The following GAB1 variants were observed in gnomAD, a reference collection of about 807,000 sequenced individuals.
GAB1 encodes GRB2-associated-binding protein 1.
In GAB1, 19 loss-of-function variants were observed where a neutral mutation model predicts 66.5. The ratio of observed to expected loss-of-function variants is 0.29; its 90% CI spans 0.20 to 0.42. The LOEUF (loss-of-function observed/expected upper bound fraction) is 0.42. GAB1 is among the 10% of genes least tolerant of loss of function. GAB1 has a pLI of 1.00. For missense variants in GAB1, 732 were observed against 858.5 expected (o/e 0.85, Z 1.84); for synonymous variants, 294 against 301.4 (o/e 0.98, Z 0.25).
At chr4:143,442,536 G>A (rs1293544620) in intron 6 of GAB1, among the ~76,000 whole-genome samples, 1 of 152,054 alleles carries the variant, frequency 6.6e-6, no homozygotes, top group Non-Finnish European at 1.5e-5. Context: ...ATCAATTAAT[G>A]ATTAGCTTTT....
At chr4:143,432,134 A>G (rs1733690093) in intron 2 of GAB1, among the ~76,000 whole-genome samples, 1 of 152,144 alleles carries the variant, frequency 6.6e-6, no homozygotes, top group Non-Finnish European at 1.5e-5. Context: ...TGGCCAGCCC[A>G]CTGCGCAGGG....
intron 1 of GAB1, among the ~76,000 whole-genome samples, chr4:143,369,992 T>C (rs1258177624): frequency 6.6e-6 from 1 of 152,254 alleles, no homozygotes; most frequent in Non-Finnish European, 1.5e-5. Flanking sequence ...CAAAACCTAG[T>C]GTGCTCCCTC....
At chr4:143,410,654 A>G (rs940680458) in intron 1 of GAB1, among the ~76,000 whole-genome samples, 3 of 152,228 alleles carry the variant, frequency 2.0e-5, no homozygotes, top group Admixed American at 6.5e-5. Flanking sequence ...GTTTAAAAAC[A>G]TCTCTCTTAT....
chr4:143,341,627 G>C (rs1728825913), intron 1 of GAB1, among the ~76,000 whole-genome samples: 1 of 152,228 alleles, frequency 6.6e-6, no homozygotes, highest in Non-Finnish European at 1.5e-5. Context: ...TCTGTACCCA[G>C]CGTGGGCTCT....
intron 6 of GAB1, among the ~76,000 whole-genome samples, chr4:143,450,888 C>G (rs1477516795): frequency 4.9e-5 from 6 of 121,950 alleles, no homozygotes; most frequent in Non-Finnish European, 8.2e-5. Context: ...AAGACTGCAT[C>G]TCAAAAAAAA....
At chr4:143,386,294 G>A (rs543925372) in intron 1 of GAB1, among the ~76,000 whole-genome samples, 38 of 152,284 alleles carry the variant, frequency 2.5e-4, no homozygotes, top group African/African-American at 5.8e-4. Context: ...TTGTGAATAC[G>A]TAATGAGATA....
At chr4:143,395,500 A>T (rs1215508949) in intron 1 of GAB1, 6 of 182,158 alleles carry the variant, frequency 3.3e-5, no homozygotes, top group Non-Finnish European at 5.8e-5. Context: ...AACACAGTTG[A>T]GTACATTAAA....
intron 1 of GAB1, among the ~76,000 whole-genome samples, chr4:143,342,705 C>CT (rs1475486604): frequency 1.3e-5 from 2 of 151,610 alleles, no homozygotes; most frequent in Non-Finnish European, 2.9e-5. Context: ...TTACAGGCTC[C>CT]TGCCACCACG....
At chr4:143,453,581 C>A (rs1735031537) in intron 6 of GAB1, among the ~76,000 whole-genome samples, 1 of 152,100 alleles carries the variant, frequency 6.6e-6, no homozygotes, top group Non-Finnish European at 1.5e-5. Context: ...CGAAGGTAAA[C>A]CCTTCAGAGA....
At chr4:143,364,079 T>G (rs772968588) in intron 1 of GAB1, among the ~76,000 whole-genome samples, 1 of 151,944 alleles carries the variant, frequency 6.6e-6, no homozygotes, top group African/African-American at 2.4e-5. Context: ...TCCCAGCTGC[T>G]TGGGAGGCTG....
chr4:143,340,009 T>TGAGTTAAATAAGGCTTATTTAACTGTC (rs1728776073), intron 1 of GAB1, among the ~76,000 whole-genome samples: 9 of 151,818 alleles, frequency 5.9e-5, no homozygotes, highest in East Asian at 5.8e-4. Context: ...TGGAGTGTAA[T>TGAGTTAAATAAGGCTTATTTAACTGTC]GAGTTAAATA....
intron 1 of GAB1, among the ~76,000 whole-genome samples, chr4:143,371,083 C>A (rs1424737681): frequency 6.6e-6 from 1 of 152,132 alleles, no homozygotes; most frequent in Non-Finnish European, 1.5e-5. Flanking sequence ...ATGGCTGGGT[C>A]AAATGGTATT....
chr4:143,385,525 C>A (rs532946345), intron 1 of GAB1, among the ~76,000 whole-genome samples: 2 of 152,302 alleles, frequency 1.3e-5, no homozygotes, highest in East Asian at 3.9e-4. Context: ...CATGGTACTT[C>A]AATAGAAAAA....
intron 1 of GAB1, among the ~76,000 whole-genome samples, chr4:143,341,478 C>G (rs1462168423): frequency 6.6e-6 from 1 of 152,194 alleles, no homozygotes. Context: ...TAAGTTTGGG[C>G]TCCTCCATAG....
Position 143,415,767 on chromosome 4 carries a change from A to C in GAB1, c.363A>C (p.Glu121Asp), listed in dbSNP as rs781383129. The C allele has an allele frequency of 6.3e-7, 1 of 1,598,362 alleles. No homozygotes were observed. The highest frequency in any genetic ancestry group is 1.1e-5 in the South Asian group (1 of 88,962). Residue 121 changes from glutamate to aspartate, a missense_variant, in exon 2 of 10, where the codon GAA (glutamate) becomes GAC (aspartate). Physicochemically the swap from Glu to Asp is conservative, Grantham distance 45. Around this residue, in one of 4 missense-constraint regions of GAB1, gnomAD observed 66 missense variants for 130.3 expected, o/e 0.51. Transcript: ENST00000262994. ...ICDICGFNPT[E>D]EDPVKPPGSS... is the part of the protein sequence containing the mutation. Reference sequence around the variant, plus strand: ...ACATCTGTGGGTTTAATCCAACAGAAGAAGGTAAGTTCAAGATATTACTAT... The same window carrying C: ...ACATCTGTGGGTTTAATCCAACAGACGAAGGTAAGTTCAAGATATTACTAT...
chr4:143,354,411 A>C (rs1729358827), intron 1 of GAB1, among the ~76,000 whole-genome samples: 1 of 152,192 alleles, frequency 6.6e-6, no homozygotes, highest in Non-Finnish European at 1.5e-5. Flanking sequence ...CTTAGAGAGA[A>C]GCATAACATT....
chr4:143,409,287 G>T (rs551241048), intron 1 of GAB1, among the ~76,000 whole-genome samples: 1 of 152,136 alleles, frequency 6.6e-6, no homozygotes, highest in Non-Finnish European at 1.5e-5. Context: ...ATCTGTGGAG[G>T]TGAGAGATTG....
intron 1 of GAB1, among the ~76,000 whole-genome samples, chr4:143,378,230 T>G (rs539948006): frequency 2.0e-4 from 30 of 152,288 alleles, no homozygotes; most frequent in African/African-American, 5.5e-4. Flanking sequence ...AGAGACTTGG[T>G]GGTGTGGTAG....
chr4:143,375,034 G>A (rs913398796), intron 1 of GAB1, among the ~76,000 whole-genome samples: 2 of 152,130 alleles, frequency 1.3e-5, no homozygotes, highest in African/African-American at 2.4e-5. Flanking sequence ...TGCAACCTCC[G>A]CCCCCTGGGC....
Sources: gnomAD v4.1 joint callset for allele counts (sites outside exome capture counted in the v4.1 genomes callset) on GRCh38, gnomAD v4.1.1 for gene constraint, gnomAD v4.1.1 regional missense constraint, MANE v1.5 for transcripts, NCBI Gene and HGNC (gene_info 2026-07-23, HGNC 2026-07-21) for gene names.